Variants in ZNRF1 observed in about 807,000 individuals in gnomAD.
The protein encoded by ZNRF1 is zinc and ring finger 1.
ZNRF1 carries 3 observed loss-of-function variants against 18.4 expected under a neutral mutation model. That is an observed-to-expected ratio of 0.16 (90% confidence interval 0.07 to 0.42). The LOEUF (loss-of-function observed/expected upper bound fraction) is 0.42, where lower values mean the gene tolerates loss of function less well. Ranked by LOEUF, ZNRF1 falls within the 10% of genes least tolerant of loss-of-function variation. The probability of loss-of-function intolerance (pLI) is 0.99; values close to 1 mark genes in which losing one functional copy is unlikely to be tolerated. For missense variants in ZNRF1, 310 were observed against 329.8 expected (o/e 0.94, Z 0.47); for synonymous variants, 157 against 144.2 (o/e 1.09, Z -0.64).
At chr16:75,107,382 C>T (rs2036329955) in intron 4 of ZNRF1, 1 of 211,954 alleles carries the variant, frequency 4.7e-6, no homozygotes, top group Admixed American at 5.3e-5. Context: ...TTCTTCCCCC[C>T]TCCCTTTCTC....
intron 1 of ZNRF1, among the ~76,000 whole-genome samples, chr16:75,025,287 C>G (rs2035206065): frequency 6.6e-6 from 1 of 152,104 alleles, no homozygotes; most frequent in South Asian, 2.1e-4. Context: ...CCAGGATAGT[C>G]TCGATCTCCT....
At chr16:75,032,782 G>C (rs2035323145) in intron 1 of ZNRF1, among the ~76,000 whole-genome samples, 1 of 151,978 alleles carries the variant, frequency 6.6e-6, no homozygotes, top group South Asian at 2.1e-4. Context: ...CAGCACTTTG[G>C]GAGGCCAAGT....
chr16:75,013,577 C>A (rs2035027843), intron 1 of ZNRF1, among the ~76,000 whole-genome samples: 1 of 152,150 alleles, frequency 6.6e-6, no homozygotes, highest in East Asian at 1.9e-4. Flanking sequence ...AATCTGTTGA[C>A]CTCGTGATCC....
chr16:75,057,896 C>A (rs1008612128), intron 1 of ZNRF1, among the ~76,000 whole-genome samples: 2 of 152,194 alleles, frequency 1.3e-5, no homozygotes, highest in Non-Finnish European at 2.9e-5. Flanking sequence ...CTGCCTCAGC[C>A]TCCCAAAGTG....
At chr16:75,005,685 A>G (rs1316364390) in intron 1 of ZNRF1, among the ~76,000 whole-genome samples, 1 of 152,212 alleles carries the variant, frequency 6.6e-6, no homozygotes, top group East Asian at 1.9e-4. Context: ...CATACCTTTG[A>G]TAAAGTTTTA....
chr16:75,091,512 A>G (rs1311511825), intron 1 of ZNRF1, among the ~76,000 whole-genome samples: 1 of 151,218 alleles, frequency 6.6e-6, no homozygotes, highest in Non-Finnish European at 1.5e-5. Flanking sequence ...ACCCCCACAC[A>G]GTCAAAAATC....
intron 1 of ZNRF1, among the ~76,000 whole-genome samples, chr16:75,036,935 TG>T (rs1218068534): frequency 6.6e-6 from 1 of 152,210 alleles, no homozygotes; most frequent in Non-Finnish European, 1.5e-5. Flanking sequence ...TGTGTTGATT[TG>T]GGAGAGAAGA....
intron 1 of ZNRF1, among the ~76,000 whole-genome samples, chr16:75,080,062 C>A (rs1411447368): frequency 2.0e-5 from 3 of 152,124 alleles, no homozygotes; most frequent in Non-Finnish European, 2.9e-5. Flanking sequence ...ATTATAGGCA[C>A]CCGCCACCAT....
intron 1 of ZNRF1, among the ~76,000 whole-genome samples, chr16:75,019,042 T>C (rs1351682026): frequency 6.6e-6 from 1 of 152,136 alleles, no homozygotes; most frequent in Non-Finnish European, 1.5e-5. Flanking sequence ...GGCGCGTGAC[T>C]GTAATCCCAG....
intron 1 of ZNRF1, among the ~76,000 whole-genome samples, chr16:75,009,033 A>C (rs1048184504): frequency 7.9e-5 from 12 of 152,178 alleles, no homozygotes; most frequent in African/African-American, 2.7e-4. Flanking sequence ...CTTCATGTGC[A>C]TCTTTAATTT....
chr16:75,061,819 G>C (rs974610099), intron 1 of ZNRF1, among the ~76,000 whole-genome samples: 12 of 152,126 alleles, frequency 7.9e-5, no homozygotes, highest in Non-Finnish European at 2.9e-5. Flanking sequence ...TCAGCAGCTT[G>C]GTTTAAAGTG....
At chr16:75,026,624 G>GT (rs1031252113) in intron 1 of ZNRF1, among the ~76,000 whole-genome samples, 13 of 152,158 alleles carry the variant, frequency 8.5e-5, no homozygotes, top group Admixed American at 8.5e-4. Context: ...AAAGTAGATC[G>GT]TAACAGTAGT....
chr16:75,001,944 G>C (rs368602103), intron 1 of ZNRF1, among the ~76,000 whole-genome samples: 41 of 152,278 alleles, frequency 2.7e-4, no homozygotes, highest in Non-Finnish European at 4.7e-4. Flanking sequence ...AGGAAGGTTG[G>C]AGCATATTAA....
At position 75,021,003 on chromosome 16, in the gene ZNRF1, A is replaced by G. The variant is rs1017014514; in HGVS notation, c.424+20908A>G. Among the ~76,000 whole-genome samples the G allele has an allele frequency of 2.6e-5, 4 of 152,046 alleles. No individual in the cohort carries two copies. In the East Asian group the frequency reaches 5.8e-4, roughly 22 times the overall value. ...TAGAAATCCACAGTTTGTCTTACAC[A>G]TTGCTGTGGATCGGTATTACAATTC... On this transcript the variant is annotated intron_variant, in intron 1 of 4. Coordinates refer to ENST00000335325, the MANE Select transcript of ZNRF1 (RefSeq NM_032268.5).
rs373199064 is a variant in ZNRF1 at position 75,094,202 on chromosome 16, G to A, written c.520+535G>A. Among the ~76,000 whole-genome samples the A allele has an allele frequency of 3.3e-5, 5 of 152,326 alleles. No homozygotes were observed. The South Asian group carries it at 1.0e-3, about 32-fold the overall frequency. ...GTCCACACCAGAGAGCTTGACGGGG[G>A]ACTATGTGTGACATAGAGACGCTCT... is the stretch of plus-strand genomic sequence containing the variant. On this transcript the variant is annotated intron_variant, in intron 2 of 4. Transcript: ENST00000335325.
chr16:75,094,207 T>C (rs557856691), intron 2 of ZNRF1, among the ~76,000 whole-genome samples: 9 of 152,274 alleles, frequency 5.9e-5, no homozygotes, highest in African/African-American at 2.2e-4. Context: ...CGGGGGACTA[T>C]GTGTGACATA....
chr16:75,027,208 C>G (rs1244751689), intron 1 of ZNRF1, among the ~76,000 whole-genome samples: 1 of 150,852 alleles, frequency 6.6e-6, no homozygotes, highest in Non-Finnish European at 1.5e-5. Context: ...GAGGTCAAGG[C>G]TGCAATGAGC....
At chr16:75,031,334 G>A (rs921235999) in intron 1 of ZNRF1, among the ~76,000 whole-genome samples, 2 of 151,508 alleles carry the variant, frequency 1.3e-5, no homozygotes, top group Admixed American at 6.6e-5. Flanking sequence ...GTTTCACCAT[G>A]TTGGTCAGGA....
intron 1 of ZNRF1, among the ~76,000 whole-genome samples, chr16:75,043,484 C>T (rs577037887): frequency 2.6e-4 from 40 of 152,264 alleles, no homozygotes; most frequent in Non-Finnish European, 5.0e-4. Flanking sequence ...TTCTTATCTT[C>T]CTTCTACCTC....
Sources: allele counts gnomAD v4.1 joint callset (sites outside exome capture counted in the v4.1 genomes callset), GRCh38; gene constraint gnomAD v4.1.1; transcripts MANE v1.5; gene names NCBI Gene and HGNC (gene_info 2026-07-23, HGNC 2026-07-21).